Variants in NRBP1 observed in about 807,000 individuals in gnomAD.
NRBP1 encodes nuclear receptor binding protein 1.
NRBP1 carries 10 observed loss-of-function variants against 76.0 expected under a neutral mutation model. The observed-to-expected ratio is 0.13, with a 90% CI of 0.08 to 0.22. The LOEUF (loss-of-function observed/expected upper bound fraction) is 0.22, where lower values mean the gene tolerates loss of function less well. NRBP1 is among the 10% of genes least tolerant of loss of function. The pLI, the probability that NRBP1 is intolerant of heterozygous loss-of-function variation, is 1.00. For synonymous variants in NRBP1, 235 were observed against 240.2 expected, an observed-to-expected ratio of 0.98 and a Z score of 0.20; for missense variants, 344 against 646.0, an observed-to-expected ratio of 0.53 and a Z score of 5.07.
chr2:27,439,040 G>A (rs1664419654), intron 10 of NRBP1, among the ~76,000 whole-genome samples: 1 of 152,120 alleles, frequency 6.6e-6, no homozygotes, highest in South Asian at 2.1e-4. Context: ...TGTGGGCAAA[G>A]GAAATTGTGA....
In NRBP1 at chr2:27,440,362, G is replaced by T; in HGVS notation, c.1037-41G>T. 3 of 1,347,506 alleles carry T rather than the reference G, an allele frequency of 2.2e-6. No homozygotes were observed. The South Asian group carries it at 3.5e-5, about 16-fold the overall frequency. 83.5% of individuals were successfully genotyped at this position (1,347,506 alleles called of 1,614,324 possible). A position where few individuals can be genotyped will look rare whatever the true frequency, so the allele number is the denominator to read the frequency against. ...GCATGCCTTCTTTGACATTTAATCT[G>T]ACTATCCCTTCATAATATCCCACTC... On this transcript the variant is annotated intron_variant, in intron 11 of 17. Coordinates refer to ENST00000379852, the MANE Select transcript of NRBP1 (RefSeq NM_013392.4).
intron 1 of NRBP1, among the ~76,000 whole-genome samples, chr2:27,431,117 G>A (rs185202972): frequency 2.0e-5 from 3 of 152,172 alleles, no homozygotes; most frequent in Non-Finnish European, 2.9e-5. Flanking sequence ...TGGCTAACAC[G>A]GTGAAACCCC....
At chr2:27,440,019 T>C (rs1664469609) in intron 11 of NRBP1, 121 bp downstream of exon 11, 1 of 460,356 alleles carries the variant, frequency 2.2e-6, no homozygotes, top group South Asian at 4.5e-5. Flanking sequence ...TTTTTTTTTT[T>C]TTTTTTTTTT....
rs546092844 is a variant in NRBP1 at position 27,441,859 on chromosome 2, C to T, written c.*47C>T. The T allele has an allele frequency of 5.3e-5, 61 of 1,154,290 alleles. No homozygotes were observed. The highest frequency in any genetic ancestry group is 1.2e-4 in the East Asian group (5 of 42,706). The allele number at this position is 1,154,290 out of a possible 1,614,324, so 71.5% of individuals were successfully genotyped here. On this transcript the variant is annotated 3_prime_UTR_variant, in exon 18 of 18. Transcript: ENST00000379852. ...GATCTGCGCTGTGGCTGTCCCTGGACGTGCTGCAGCCCTCCTGTCCCTTCC... is the reference window on the plus strand; with the variant it reads ...GATCTGCGCTGTGGCTGTCCCTGGATGTGCTGCAGCCCTCCTGTCCCTTCC...
Position 27,433,810 on chromosome 2 carries a change from A to G in NRBP1, c.333+15A>G, listed in dbSNP as rs1259492555. On this transcript the variant is annotated intron_variant, in intron 3 of 17. Transcript: ENST00000379852. Reference sequence around the variant, plus strand: ...AGCTGCAGGAGGTAGGTGATGCTGAAAAGGTGAAGCCTGGGGAATGTTGGA... The same window carrying G: ...AGCTGCAGGAGGTAGGTGATGCTGAGAAGGTGAAGCCTGGGGAATGTTGGA... The G allele has an allele frequency of 6.2e-7, 1 of 1,614,006 alleles. No individual in the cohort carries two copies. The highest frequency in any genetic ancestry group is 1.3e-5 in the African/African-American group (1 of 74,934).
At chr2:27,433,609 G>A in intron 2 of NRBP1, 64 bp from the exon 3 acceptor site, 2 of 1,608,894 alleles carry the variant, frequency 1.2e-6, no homozygotes, top group East Asian at 4.5e-5. Flanking sequence ...ATGATCATAT[G>A]GAGTGTTAAA....
Position 27,437,284 on chromosome 2 carries a change from G to T in NRBP1, c.827G>T (p.Gly276Val). Residue 276 changes from glycine to valine, a missense_variant, in exon 10 of 18, where the codon GGC becomes GTC. By Grantham distance (109) the Gly-to-Val change is moderately radical. Coordinates refer to ENST00000379852, the MANE Select transcript of NRBP1 (RefSeq NM_013392.4). ...ALEMAVLEIQ[G>V]NGESSYVPQE... ...AAGATGGCAGTGCTGGAGATTCAGGGCAATGGAGAGTCCTCATATGTGCCA... is the reference window on the plus strand; with the variant it reads ...AAGATGGCAGTGCTGGAGATTCAGGTCAATGGAGAGTCCTCATATGTGCCA... The T allele has an allele frequency of 6.2e-7, 1 of 1,613,794 alleles. No individual in the cohort carries two copies. Among genetic ancestry groups the T allele is most frequent in the Non-Finnish European group, 8.5e-7 (1 of 1,179,868 alleles).
intron 4 of NRBP1, 34 bp downstream of exon 4, chr2:27,434,124 T>A (rs762217941): frequency 1.4e-6 from 2 of 1,459,720 alleles, no homozygotes; most frequent in South Asian, 2.3e-5. Context: ...CCTGAACTTA[T>A]TGCAAAGAGA....
rs1388785201 is a variant in NRBP1 at position 27,441,700 on chromosome 2, T to A, written c.1504-8T>A. 1.2e-6 allele frequency: 2 copies of A among 1,612,968 alleles called. No individual in the cohort carries two copies. Among genetic ancestry groups the A allele is most frequent in the African/African-American group, 1.3e-5 (1 of 74,810 alleles). ...CAGCCCCCATCTTACTGAGCTCTTC[T>A]CCCCCAGGCTGACCAGAGCCGGTTG... On this transcript the variant is annotated splice_polypyrimidine_tract_variant and splice_region_variant and intron_variant, in intron 17 of 17. Coordinates refer to ENST00000379852, the MANE Select transcript of NRBP1 (RefSeq NM_013392.4).
At chr2:27,430,469 CT>C (rs977927783) in intron 1 of NRBP1, among the ~76,000 whole-genome samples, 611 of 138,656 alleles carry the variant, frequency 4.4e-3, no homozygotes, top group Middle Eastern at 0.019. Flanking sequence ...TTCTTTTTTT[CT>C]TTTTTTTTTT....
rs375662722 is a variant in NRBP1 at position 27,433,474 on chromosome 2, G to A, written c.201G>A (p.Arg67=). Residue 67 remains arginine (R), a synonymous_variant, in exon 2 of 18, where the codon AGG becomes AGA. Transcript: ENST00000379852. ...CGCCCTGTGGGCGCTGGCAGAAGAG[G>A]CGAGAAGAGGTAAGGTTATGGTACA... ...EESPCGRWQK[R]REEVNQRNVP... is the part of the protein sequence containing the mutation. 1.1e-5 allele frequency: 18 copies of A among 1,614,026 alleles called. No individual in the cohort carries two copies. The highest frequency in any genetic ancestry group is 1.4e-5 in the Non-Finnish European group (16 of 1,180,012).
chr2:27,436,965 CTTTTTTTTTTT>C, intron 8 of NRBP1, 71 bp from the exon 9 acceptor site: 1 of 1,192,796 alleles, frequency 8.4e-7, no homozygotes, highest in South Asian at 1.5e-5. Context: ...TTTTTCTTTT[CTTTTTTTTTTT>C]TCCTAAGGCA....
intron 1 of NRBP1, chr2:27,429,443 ACG>A (rs1325738790): frequency 6.6e-6 from 1 of 152,392 alleles, no homozygotes; most frequent in African/African-American, 2.4e-5. Context: ...TGTCCAATAA[ACG>A]AAAGTGTCGG....
intron 10 of NRBP1, among the ~76,000 whole-genome samples, chr2:27,438,626 G>A (rs2148452131): frequency 6.6e-6 from 1 of 152,180 alleles, no homozygotes; most frequent in East Asian, 1.9e-4. Context: ...GTTAAAAGCA[G>A]GAAAGCAGGT....
At chr2:27,441,529 TC>T in intron 16 of NRBP1, 37 bp from the exon 17 acceptor site, 1 of 1,611,226 alleles carries the variant, frequency 6.2e-7, no homozygotes, top group Non-Finnish European at 8.5e-7. Flanking sequence ...GGTCCCTCAG[TC>T]CCGTACTGTA....
At chr2:27,434,792 A>G (rs1262644090) in intron 6 of NRBP1, 30 bp downstream of exon 6, 1 of 1,603,910 alleles carries the variant, frequency 6.2e-7, no homozygotes, top group Middle Eastern at 1.7e-4. Flanking sequence ...TTTCTTACCC[A>G]TATTTCCTGA....
chr2:27,436,753 T>A lies in NRBP1; in HGVS notation c.662T>A (p.Val221Glu). The change falls in exon 8 of 18, where the codon GTG becomes GAG. Residue 221 changes from valine to glutamate, a missense_variant and splice_region_variant. Around this residue, in one of 3 missense-constraint regions of NRBP1, gnomAD observed 73 missense variants for 287.8 expected, o/e 0.25. Coordinates refer to ENST00000379852, the MANE Select transcript of NRBP1 (RefSeq NM_013392.4). ...TTGTGGGTGTCTCCCCTACTCCCAG[T>A]GGCTCCTGACACTATCAACAATCAT... ...QHNGLIKIGS[V>E]APDTINNHVK... 6.2e-7 allele frequency: 1 copy of A among 1,613,382 alleles called. No homozygotes were observed. Among genetic ancestry groups the A allele is most frequent in the South Asian group, 1.1e-5 (1 of 91,070 alleles).
At chr2:27,428,047 T>C (rs1382284294), upstream of NRBP1, 1 of 152,264 alleles carries the variant, frequency 6.6e-6, no homozygotes, top group Non-Finnish European at 1.5e-5. Flanking sequence ...ATTTGTCAAC[T>C]ACCATTGAAT....
chr2:27,440,539 G>C (rs765796218), intron 12 of NRBP1, 31 bp downstream of exon 12: 3 of 1,599,860 alleles, frequency 1.9e-6, no homozygotes, highest in Non-Finnish European at 2.6e-6. Context: ...GAAAGGGGCA[G>C]ATTGGTCACG....
Sources: gnomAD v4.1 joint callset for allele counts (sites outside exome capture counted in the v4.1 genomes callset) on GRCh38, gnomAD v4.1.1 for gene constraint, gnomAD v4.1.1 regional missense constraint, MANE v1.5 for transcripts, NCBI Gene and HGNC (gene_info 2026-07-23, HGNC 2026-07-21) for gene names.